FOXP2: variants seen among roughly 807,000 people sequenced by gnomAD.
FOXP2 encodes forkhead box P2.
In FOXP2, 12 loss-of-function variants were observed where a neutral mutation model predicts 115.8. That is an observed-to-expected ratio of 0.10 (90% confidence interval 0.07 to 0.17). The LOEUF is 0.17. Ranked by LOEUF, FOXP2 falls within the 10% of genes least tolerant of loss-of-function variation. FOXP2 has a pLI of 1.00. For synonymous variants in FOXP2, 328 were observed against 297.7 expected (o/e 1.10, Z -1.05); for missense variants, 629 against 843.5 (o/e 0.75, Z 3.15).
chr7:114,672,435 A>T (rs1044594962), intron 16 of FOXP2, among the ~76,000 whole-genome samples: 1 of 152,068 alleles, frequency 6.6e-6, no homozygotes, highest in African/African-American at 2.4e-5. Flanking sequence ...AAATACAAAA[A>T]TTAGCTGGGC....
intron 1 of FOXP2, among the ~76,000 whole-genome samples, chr7:114,089,117 G>A (rs1584471762): frequency 6.6e-6 from 1 of 151,782 alleles, no homozygotes; most frequent in South Asian, 2.1e-4. Context: ...ATATTCAGTC[G>A]TCAGTCTAGT....
intron 1 of FOXP2, among the ~76,000 whole-genome samples, chr7:114,133,049 T>C (rs1361900995): frequency 6.6e-6 from 1 of 152,206 alleles, no homozygotes; most frequent in African/African-American, 2.4e-5. Flanking sequence ...AGAATCCAAA[T>C]AGCAGATGAA....
intron 1 of FOXP2, among the ~76,000 whole-genome samples, chr7:114,156,407 T>G (rs968096136): frequency 1.3e-5 from 2 of 152,118 alleles, no homozygotes; most frequent in Non-Finnish European, 2.9e-5. Flanking sequence ...GATAAAAGAT[T>G]GGGTTTCACA....
chr7:114,524,498 A>T (rs1440074223), intron 2 of FOXP2, among the ~76,000 whole-genome samples: 1 of 152,088 alleles, frequency 6.6e-6, no homozygotes, highest in Non-Finnish European at 1.5e-5. Context: ...TAGAAAGAGA[A>T]TGAGCTTCAG....
chr7:114,439,788 G>A (rs1198412284), intron 2 of FOXP2, among the ~76,000 whole-genome samples: 1 of 151,970 alleles, frequency 6.6e-6, no homozygotes, highest in East Asian at 1.9e-4. Context: ...TGCCCAGACT[G>A]GTCTTGAACT....
At chr7:114,498,280 G>A (rs1797412791) in intron 2 of FOXP2, among the ~76,000 whole-genome samples, 1 of 152,078 alleles carries the variant, frequency 6.6e-6, no homozygotes. Context: ...ATCCTTAGAT[G>A]AGCTCCACAA....
chr7:114,442,397 G>A (rs1445098795), intron 2 of FOXP2, among the ~76,000 whole-genome samples: 31 of 151,590 alleles, frequency 2.0e-4, no homozygotes, highest in African/African-American at 7.3e-4. Flanking sequence ...TTGGACTGCA[G>A]TAATGATTGC....
At chr7:114,299,232 A>T (rs937794502) in intron 2 of FOXP2, among the ~76,000 whole-genome samples, 6 of 152,152 alleles carry the variant, frequency 3.9e-5, no homozygotes. Context: ...CCCAAGCAAT[A>T]GGTATATATT....
intron 2 of FOXP2, among the ~76,000 whole-genome samples, chr7:114,469,623 G>T (rs921505763): frequency 2.0e-5 from 3 of 152,124 alleles, no homozygotes; most frequent in African/African-American, 7.2e-5. Context: ...TTGATAAAAT[G>T]GTGATTAAAA....
At chr7:114,372,999 CTT>C (rs888495161) in intron 2 of FOXP2, among the ~76,000 whole-genome samples, 2 of 145,746 alleles carry the variant, frequency 1.4e-5, no homozygotes. Context: ...AATAAAACTT[CTT>C]TTTTTTTTTG....
rs574663369 is a variant in FOXP2 at position 114,442,709 on chromosome 7, C to T, written c.168+16030C>T. ...GCTCAAGTGATCCACCTGTCTGGAC[C>T]TCTGGACCTCCCGAGTTGTTGTGAT... is the stretch of plus-strand genomic sequence containing the variant. On this transcript the variant is annotated intron_variant, in intron 2 of 16. Transcript: ENST00000350908. Among the ~76,000 whole-genome samples the T allele has an allele frequency of 3.3e-5, 5 of 152,202 alleles. No homozygotes were observed. In the South Asian group the frequency reaches 1.0e-3, roughly 32 times the overall value.
At chr7:114,444,033 C>A (rs1035288441) in intron 2 of FOXP2, among the ~76,000 whole-genome samples, 1 of 152,044 alleles carries the variant, frequency 6.6e-6, no homozygotes, top group East Asian at 1.9e-4. Context: ...ATTTACATTG[C>A]CACCATACAT....
chr7:114,484,691 A>G (rs1796698406), intron 2 of FOXP2, among the ~76,000 whole-genome samples: 1 of 151,892 alleles, frequency 6.6e-6, no homozygotes, highest in Non-Finnish European at 1.5e-5. Flanking sequence ...CATATCCTGA[A>G]TTGCACCTGA....
At chr7:114,224,050 T>C (rs1309796955) in intron 1 of FOXP2, among the ~76,000 whole-genome samples, 3 of 152,098 alleles carry the variant, frequency 2.0e-5, no homozygotes, top group Non-Finnish European at 4.4e-5. Context: ...TTTTATTTTA[T>C]ATATCTAACC....
At chr7:114,211,713 A>G (rs920029706) in intron 1 of FOXP2, among the ~76,000 whole-genome samples, 7 of 152,192 alleles carry the variant, frequency 4.6e-5, no homozygotes, top group Admixed American at 2.6e-4. Context: ...GTGATTTCAT[A>G]TGCACTGTCC....
chr7:114,172,253 T>C (rs1465080925), intron 1 of FOXP2, among the ~76,000 whole-genome samples: 1 of 152,194 alleles, frequency 6.6e-6, no homozygotes, highest in African/African-American at 2.4e-5. Flanking sequence ...ATTACGGTAG[T>C]CTGATAACTG....
chr7:114,457,903 A>AG (rs1406584694), intron 2 of FOXP2, among the ~76,000 whole-genome samples: 1 of 152,120 alleles, frequency 6.6e-6, no homozygotes. Flanking sequence ...TCAAAAAAAA[A>AG]AAAAAAAGTC....
chr7:114,381,554 G>T (rs1792296309), intron 2 of FOXP2, among the ~76,000 whole-genome samples: 1 of 152,192 alleles, frequency 6.6e-6, no homozygotes, highest in African/African-American at 2.4e-5. Flanking sequence ...CAAGAATTGA[G>T]AGTCAGGATG....
intron 3 of FOXP2, among the ~76,000 whole-genome samples, chr7:114,597,437 A>C (rs1000125048): frequency 1.3e-5 from 2 of 152,146 alleles, no homozygotes; most frequent in African/African-American, 4.8e-5. Context: ...ATTATAGTCC[A>C]TTCTGAAACC....
Sources: gnomAD v4.1 joint callset for allele counts (sites outside exome capture counted in the v4.1 genomes callset) on GRCh38, gnomAD v4.1.1 for gene constraint, MANE v1.5 for transcripts, NCBI Gene and HGNC (gene_info 2026-07-23, HGNC 2026-07-21) for gene names.